IL5RA: variants seen among roughly 807,000 people sequenced by gnomAD.
The protein encoded by IL5RA is interleukin 5 receptor subunit alpha, also known as interleukin-5 receptor subunit alpha.
A neutral mutation model predicts 50.0 loss-of-function variants in IL5RA; 49 were observed. The observed-to-expected ratio is 0.98, with a 90% CI of 0.78 to 1.24. The LOEUF is 1.24. Among genes scored for constraint, IL5RA ranks in the 50% most tolerant of loss-of-function variants. The pLI, the probability that IL5RA is intolerant of heterozygous loss-of-function variation, is 0.00. For synonymous variants in IL5RA, 202 were observed against 174.0 expected (o/e 1.16, Z -1.26); for missense variants, 600 against 500.4 (o/e 1.20, Z -1.90).
At position 3,095,428 on chromosome 3, in the gene IL5RA, T is replaced by G. The variant is rs1703313427; in HGVS notation, c.726A>C (p.Pro242=). 1 of 1,610,336 alleles carries G rather than the reference T, an allele frequency of 6.2e-7. No individual in the cohort carries two copies. The highest frequency in any genetic ancestry group is 2.2e-5 in the East Asian group (1 of 44,826). ...CTTCAATCTCTGCTGTGACATTCAG[T>G]GGAGGATTTATTTGATCTAAGTTAG... The part of the protein sequence containing the change: ...ALHAIDQINP[P]LNVTAEIEGT... The change falls in exon 8 of 12, where the codon CCA becomes CCC. Residue 242 remains proline (P), a synonymous_variant. Coordinates refer to ENST00000446632, the MANE Select transcript of IL5RA (RefSeq NM_175726.4).
intron 5 of IL5RA, among the ~76,000 whole-genome samples, chr3:3,099,661 A>AT (rs1405348829): frequency 1.5e-5 from 2 of 130,612 alleles, no homozygotes; most frequent in Non-Finnish European, 3.1e-5. Flanking sequence ...TATTTTATTT[A>AT]TTATTATTAT....
rs186471615 is a variant in IL5RA at position 3,086,174 on chromosome 3, C to T, written c.994+6050G>A. Among the ~76,000 whole-genome samples, 20 of 152,284 alleles carry T rather than the reference C, an allele frequency of 1.3e-4. No homozygotes were observed. The South Asian group carries it at 1.5e-3, about 11-fold the overall frequency. On this transcript the variant is annotated intron_variant, in intron 9 of 11. Coordinates refer to ENST00000446632, the MANE Select transcript of IL5RA (RefSeq NM_175726.4). ...GAACCACTGATCCTGACCAAAGACACGGCCAGAAATAAGTGCAGGGTAGAC... is the reference window on the plus strand; with the variant it reads ...GAACCACTGATCCTGACCAAAGACATGGCCAGAAATAAGTGCAGGGTAGAC...
chr3:3,079,187 T>C (rs546204205), intron 9 of IL5RA, among the ~76,000 whole-genome samples: 28 of 152,360 alleles, frequency 1.8e-4, no homozygotes, highest in Non-Finnish European at 3.4e-4. Context: ...ATCTTTTAAT[T>C]TTATGAAGTC....
intron 9 of IL5RA, among the ~76,000 whole-genome samples, chr3:3,091,478 TC>T (rs1703097930): frequency 6.6e-6 from 1 of 152,190 alleles, no homozygotes; most frequent in Admixed American, 6.5e-5. Context: ...ATGCCTGTAA[TC>T]CCAGCACTTT....
rs1428792776 is a variant in IL5RA at position 3,066,688 on chromosome 3, C to T, written c.*3537G>A. On this transcript the variant is annotated 3_prime_UTR_variant, in exon 12 of 12. Transcript: ENST00000446632. ...ATGGTCCTGACACATAGAAGTCTCA[C>T]CATGAAAACGTTTGGATTTTTAATC... is the stretch of plus-strand genomic sequence containing the variant. The T allele has an allele frequency of 6.6e-6, 1 of 152,210 alleles. No homozygotes were observed. The highest frequency in any genetic ancestry group is 2.4e-5 in the African/African-American group (1 of 41,444). The allele number at this position is 152,210 out of a possible 1,614,324, so 9.4% of individuals were successfully genotyped here.
At chr3:3,091,538 C>T (rs1158799107) in intron 9 of IL5RA, among the ~76,000 whole-genome samples, 1 of 152,120 alleles carries the variant, frequency 6.6e-6, no homozygotes, top group African/African-American at 2.4e-5. Context: ...TCGAGACCAG[C>T]CTGACCAACG....
intron 8 of IL5RA, among the ~76,000 whole-genome samples, chr3:3,093,893 T>A (rs1703242753): frequency 6.6e-6 from 1 of 152,130 alleles, no homozygotes; most frequent in East Asian, 1.9e-4. Flanking sequence ...TGGAATCCTA[T>A]TTTTTTTCCT....
At chr3:3,070,833 G>A (rs949472361) in intron 11 of IL5RA, among the ~76,000 whole-genome samples, 13 of 151,714 alleles carry the variant, frequency 8.6e-5, no homozygotes, top group South Asian at 4.2e-4. Context: ...CCCCCGCCTC[G>A]GCCTCCCAAA....
chr3:3,107,655 C>T (rs1288806401), intron 2 of IL5RA, among the ~76,000 whole-genome samples: 1 of 152,140 alleles, frequency 6.6e-6, no homozygotes, highest in Non-Finnish European at 1.5e-5. Context: ...GGAAGACATG[C>T]TCAATCTTTA....
intron 11 of IL5RA, among the ~76,000 whole-genome samples, chr3:3,071,750 T>G (rs964141558): frequency 5.9e-5 from 9 of 152,116 alleles, no homozygotes. Flanking sequence ...CCACCGTGCC[T>G]GAGTAATTTT....
intron 9 of IL5RA, among the ~76,000 whole-genome samples, chr3:3,085,502 G>A (rs1702820434): frequency 6.6e-6 from 1 of 152,146 alleles, no homozygotes; most frequent in Non-Finnish European, 1.5e-5. Context: ...GCTCCAGGTG[G>A]GAGTCAGAGT....
intron 9 of IL5RA, among the ~76,000 whole-genome samples, chr3:3,082,063 T>C (rs1702684230): frequency 8.1e-6 from 1 of 123,064 alleles, no homozygotes; most frequent in African/African-American, 3.7e-5. Context: ...GTTCAGTTAC[T>C]TATTTATGCA....
chr3:3,068,869 A>G lies in IL5RA; in HGVS notation c.*1356T>C, dbSNP rs964431224. ...AAATGGGACAGTAATACAGATTACT[A>G]TAAGACAGTGCAGGCTTGTCAAGAT... On this transcript the variant is annotated 3_prime_UTR_variant, in exon 12 of 12. Coordinates refer to ENST00000446632, the MANE Select transcript of IL5RA (RefSeq NM_175726.4). 1 of 152,200 alleles carries G rather than the reference A, an allele frequency of 6.6e-6. No homozygotes were observed. The highest frequency in any genetic ancestry group is 1.9e-4 in the East Asian group (1 of 5,192). 9.4% of individuals were successfully genotyped at this position (152,200 alleles called of 1,614,324 possible). A position where few individuals can be genotyped will look rare whatever the true frequency, so the allele number is the denominator to read the frequency against.
chr3:3,078,812 T>C (rs1210903354), intron 9 of IL5RA, among the ~76,000 whole-genome samples: 2 of 143,848 alleles, frequency 1.4e-5, no homozygotes, highest in Non-Finnish European at 3.0e-5. Context: ...CCAGCCTGGG[T>C]GACAAGAGCG....
At chr3:3,100,177 T>C (rs1575005607) in intron 5 of IL5RA, among the ~76,000 whole-genome samples, 1 of 52,832 alleles carries the variant, frequency 1.9e-5, no homozygotes, top group Admixed American at 1.8e-4. Flanking sequence ...CGCATTCAAG[T>C]GGGAGCCTTG....
chr3:3,090,391 A>G (rs1227457151), intron 9 of IL5RA: 1 of 654,546 alleles, frequency 1.5e-6, no homozygotes, highest in Non-Finnish European at 2.7e-6. Flanking sequence ...ACCTAGTGCA[A>G]CAGTTAACGA....
In IL5RA at chr3:3,070,070, A is replaced by G; in HGVS notation, c.*155T>C. The G allele has an allele frequency of 1.7e-6, 1 of 599,670 alleles. No individual in the cohort carries two copies. Among genetic ancestry groups the G allele is most frequent in the South Asian group, 2.4e-5 (1 of 42,014 alleles). The allele number at this position is 599,670 out of a possible 1,614,324, so 37.1% of individuals were successfully genotyped here. A position where few individuals can be genotyped will look rare whatever the true frequency, so the allele number is the denominator to read the frequency against. On this transcript the variant is annotated 3_prime_UTR_variant, in exon 12 of 12. Coordinates refer to ENST00000446632, the MANE Select transcript of IL5RA (RefSeq NM_175726.4). ...TGGATGAAGCATCCATACTTTTAAG[A>G]GATACAAGACTGGTGTGTCTGGGTG...
intron 1 of IL5RA, among the ~76,000 whole-genome samples, chr3:3,109,419 G>T (rs946512514): frequency 6.6e-6 from 1 of 152,104 alleles, no homozygotes; most frequent in African/African-American, 2.4e-5. Context: ...AACTTCCTGA[G>T]ATATTTTATT....
chr3:3,090,240 C>T (rs373767302), intron 9 of IL5RA: 10 of 1,606,492 alleles, frequency 6.2e-6, no homozygotes, highest in Non-Finnish European at 8.5e-6. Flanking sequence ...GATGTTATCT[C>T]CTTTATCTTG....
Sources: allele counts gnomAD v4.1 joint callset (sites outside exome capture counted in the v4.1 genomes callset), GRCh38; gene constraint gnomAD v4.1.1; transcripts MANE v1.5; gene names NCBI Gene and HGNC (gene_info 2026-07-23, HGNC 2026-07-21).